IQSEC3: variants seen among roughly 807,000 people sequenced by gnomAD.
IQSEC3 encodes IQ motif and SEC7 domain-containing protein 3.
In IQSEC3, 50 loss-of-function variants were observed where a neutral mutation model predicts 105.4. The observed-to-expected ratio is 0.47, with a 90% CI of 0.38 to 0.60. IQSEC3 has a LOEUF of 0.60. Ranked by LOEUF, IQSEC3 falls within the 20% of genes least tolerant of loss-of-function variation. IQSEC3 has a pLI of 0.00. For synonymous variants in IQSEC3, 708 were observed against 746.0 expected, an observed-to-expected ratio of 0.95 and a Z score of 0.83; for missense variants, 1,415 against 1,630.0, an observed-to-expected ratio of 0.87 and a Z score of 2.27.
rs533796055 is a variant in IQSEC3, at chr12:172,733, C to T, written c.3114+1572C>T. Among the ~76,000 whole-genome samples the T allele has an allele frequency of 1.2e-4, 19 of 152,350 alleles. No homozygotes were observed. In the South Asian group the frequency reaches 3.3e-3, roughly 27 times the overall value. ...TTCCATCCTCTGTCTCCCCACTCCC[C>T]TCATTCTTTCTTTCATGAGCAGGGA... On this transcript the variant is annotated intron_variant, in intron 13 of 13. Coordinates refer to ENST00000538872, the MANE Select transcript of IQSEC3 (RefSeq NM_001170738.2).
intron 1 of IQSEC3, among the ~76,000 whole-genome samples, chr12:89,582 G>A (rs1178330449): frequency 1.3e-5 from 2 of 152,132 alleles, no homozygotes; most frequent in East Asian, 3.8e-4. Flanking sequence ...CATCAGCCAA[G>A]TGACCCTTTG....
intron 5 of IQSEC3, 66 bp downstream of exon 5, chr12:141,351 G>C: frequency 2.6e-6 from 4 of 1,526,088 alleles, no homozygotes; most frequent in Non-Finnish European, 3.6e-6. Context: ...GGCTCTCTCT[G>C]TGAGCTCCTT....
chr12:81,263 A>T (rs1255387346), intron 1 of IQSEC3, among the ~76,000 whole-genome samples: 1 of 152,174 alleles, frequency 6.6e-6, no homozygotes, highest in Non-Finnish European at 1.5e-5. Context: ...TGTTGAGGGC[A>T]TTGGAGTCCG....
intron 2 of IQSEC3, among the ~76,000 whole-genome samples, chr12:105,226 A>G (rs1555077579): frequency 2.0e-5 from 3 of 152,332 alleles, no homozygotes; most frequent in Admixed American, 6.5e-5. Flanking sequence ...TGTCTCCTTC[A>G]TGGTTCACTG....
At chr12:143,179 A>T (rs1360385809) in intron 5 of IQSEC3, 1 of 152,578 alleles carries the variant, frequency 6.6e-6, no homozygotes, top group Admixed American at 6.5e-5. Context: ...GGCTTGGAGC[A>T]GTGGCTGCAA....
intron 8 of IQSEC3, 72 bp from the exon 9 acceptor site, chr12:163,422 G>C: frequency 7.0e-7 from 1 of 1,420,252 alleles, no homozygotes; most frequent in Non-Finnish European, 9.3e-7. Flanking sequence ...TCCTCTTCTG[G>C]AAAATGGGCG....
At chr12:108,557 T>C (rs968798334) in intron 2 of IQSEC3, among the ~76,000 whole-genome samples, 4 of 152,258 alleles carry the variant, frequency 2.6e-5, no homozygotes, top group Non-Finnish European at 5.9e-5. Flanking sequence ...GGTCTAACTT[T>C]GGTTTGATAT....
intron 2 of IQSEC3, among the ~76,000 whole-genome samples, chr12:124,339 A>G (rs1865312015): frequency 6.6e-6 from 1 of 150,558 alleles, no homozygotes. Flanking sequence ...CAGTGAGCCA[A>G]GATCTCACCA....
In IQSEC3 at chr12:135,813, T is replaced by C. The variant is rs868928797; in HGVS notation, c.904-2454T>C. Among the ~76,000 whole-genome samples the C allele has an allele frequency of 3.5e-4, 53 of 152,320 alleles. 1 individual carries two copies. Among genetic ancestry groups the C allele is most frequent in the Middle Eastern group, 3.4e-3 (1 of 294 alleles). On this transcript the variant is annotated intron_variant, in intron 3 of 13. Transcript: ENST00000538872. The stretch of plus-strand genomic sequence containing the variant: ...AGTCCTGTGATTACAAGGAATTGAA[T>C]TGTGCCAACAAGAGCGAGCTCAAAG...
chr12:174,691 T>C lies in IQSEC3; in HGVS notation c.3207T>C (p.Pro1069=), dbSNP rs1396415818. 6.3e-6 allele frequency: 10 copies of C among 1,592,320 alleles called. No homozygotes were observed. The highest frequency in any genetic ancestry group is 8.5e-6 in the Non-Finnish European group (10 of 1,177,154). ...CGGTGCCGCCGCCAGACCTGCAGCC[T>C]AGCCCCCCGAGACAGCAGACCCCAC... ...GAPVPPPDLQ[P]SPPRQQTPPL... Residue 1069 remains proline (P), a synonymous_variant, in exon 14 of 14, where the codon CCT becomes CCC. Coordinates refer to ENST00000538872, the MANE Select transcript of IQSEC3 (RefSeq NM_001170738.2).
intron 1 of IQSEC3, among the ~76,000 whole-genome samples, chr12:89,254 G>A (rs781840557): frequency 2.0e-5 from 3 of 152,028 alleles, no homozygotes; most frequent in Non-Finnish European, 4.4e-5. Flanking sequence ...TCTAGTCTCT[G>A]AAAATACAAT....
chr12:69,228 G>A (rs1405242061), intron 1 of IQSEC3, among the ~76,000 whole-genome samples: 1 of 152,254 alleles, frequency 6.6e-6, no homozygotes, highest in Non-Finnish European at 1.5e-5. Context: ...CATCTCTTCA[G>A]GGCACTGTGT....
At chr12:171,043 G>A in intron 12 of IQSEC3, 69 bp from the exon 13 acceptor site, 2 of 1,586,238 alleles carry the variant, frequency 1.3e-6, no homozygotes. Flanking sequence ...ATGCTTGAGG[G>A]GCACAGGGGA....
Position 69,647 on chromosome 12 carries a change from C to T in IQSEC3, c.554+2211C>T, listed in dbSNP as rs1346647851. Among the ~76,000 whole-genome samples the T allele has an allele frequency of 7.2e-5, 11 of 152,368 alleles. No individual in the cohort carries two copies. The South Asian group carries it at 2.3e-3, about 32-fold the overall frequency. ...ACATAGAGACCATAGATGTGCCTGC[C>T]TCCCCTCATCCCTGCAGCTCTCCTT... On this transcript the variant is annotated intron_variant, in intron 1 of 13. Transcript: ENST00000538872.
rs1565429747 is a variant in IQSEC3, at chr12:141,210, G to A, written c.2078G>A (p.Arg693Gln). The change falls in exon 5 of 14, where the codon CGA becomes CAA. Residue 693 changes from arginine to glutamine, a missense_variant. Around this residue, in one of 6 missense-constraint regions of IQSEC3, gnomAD observed 213 missense variants for 306.2 expected, o/e 0.70. Coordinates refer to ENST00000538872, the MANE Select transcript of IQSEC3 (RefSeq NM_001170738.2). ...GGTGTGGCCCATTTCCTCCTCCAGC[G>A]AAAGGGCCTCAGCCGCCAGATGATT... ...PIGVAHFLLQ[R>Q]KGLSRQMIGE... The A allele has an allele frequency of 2.5e-6, 4 of 1,612,864 alleles. No homozygotes were observed. The highest frequency in any genetic ancestry group is 1.7e-5 in the Admixed American group (1 of 59,840).
At chr12:119,430 A>G (rs1470092157) in intron 2 of IQSEC3, among the ~76,000 whole-genome samples, 1 of 152,198 alleles carries the variant, frequency 6.6e-6, no homozygotes, top group African/African-American at 2.4e-5. Context: ...CTAGGAAGAG[A>G]GCCCTGAGCC....
In IQSEC3 at chr12:99,186, G is replaced by A. The variant is rs781987573; in HGVS notation, c.595G>A (p.Asp199Asn). ...VLHQFCCPAA[D>N]ACSDLASQSD... ...GCACCAGTTCTGCTGCCCAGCCGCC[G>A]ACGCCTGCTCCGACCTGGCCTCCCA... The change falls in exon 2 of 14, where the codon GAC becomes AAC. Residue 199 changes from aspartate to asparagine, a missense_variant. By Grantham distance (23) the Asp-to-Asn change is conservative (BLOSUM62 1). Coordinates refer to ENST00000538872, the MANE Select transcript of IQSEC3 (RefSeq NM_001170738.2). 14 of 1,598,732 alleles carry A rather than the reference G, an allele frequency of 8.8e-6. No individual in the cohort carries two copies. The highest frequency in any genetic ancestry group is 3.3e-5 in the South Asian group (3 of 90,976).
chr12:155,540 G>A (rs910540928), intron 5 of IQSEC3, among the ~76,000 whole-genome samples: 11 of 152,186 alleles, frequency 7.2e-5, no homozygotes, highest in African/African-American at 1.9e-4. Flanking sequence ...AAACCTGTGG[G>A]AGGCGGAGTC....
At position 172,111 on chromosome 12, in the gene IQSEC3, C is replaced by T. The variant is rs892326716; in HGVS notation, c.3114+950C>T. 7.2e-5 allele frequency among the ~76,000 whole-genome samples: 11 copies of T among 152,276 alleles called. No homozygotes were observed. The Middle Eastern group carries it at 0.01, about 141-fold the overall frequency. Reference sequence around the variant, plus strand: ...TCCCTTCGCAACCCTAACCTCGACCCGGAGGGGCCCCCATTAGGTGTCTTA... The same window carrying T: ...TCCCTTCGCAACCCTAACCTCGACCTGGAGGGGCCCCCATTAGGTGTCTTA... On this transcript the variant is annotated intron_variant, in intron 13 of 13. Transcript: ENST00000538872.
Sources: allele counts gnomAD v4.1 joint callset (sites outside exome capture counted in the v4.1 genomes callset), GRCh38; gene constraint gnomAD v4.1.1; regional missense constraint gnomAD v4.1.1; transcripts MANE v1.5; gene names NCBI Gene and HGNC (gene_info 2026-07-23, HGNC 2026-07-21).